DUT: variants seen among roughly 807,000 people sequenced by gnomAD.
DUT encodes deoxyuridine 5'-triphosphate nucleotidohydrolase, mitochondrial.
In DUT, 21 loss-of-function variants were observed where a neutral mutation model predicts 28.8. That is an observed-to-expected ratio of 0.73 (90% CI 0.52 to 1.05). The LOEUF is 1.05. Among genes scored for constraint, DUT ranks in the 50% least tolerant of loss-of-function variants. The pLI, the probability that DUT is intolerant of heterozygous loss-of-function variation, is 0.00. For missense variants in DUT, 344 were observed against 351.8 expected, an observed-to-expected ratio of 0.98 and a Z score of 0.18; for synonymous variants, 147 against 143.7, an observed-to-expected ratio of 1.02 and a Z score of -0.17.
chr15:48,332,052 G>A (rs995544163), intron 1 of DUT: 5 of 1,146,938 alleles, frequency 4.4e-6, no homozygotes, highest in Admixed American at 3.6e-5. Flanking sequence ...TCCCAAACCT[G>A]CTTTCCGAGA....
rs2042558427 is a variant in DUT, at chr15:48,343,050, TG to T, written c.*975del. The T allele has an allele frequency of 6.6e-6, 1 of 152,254 alleles. No homozygotes were observed. The highest frequency in any genetic ancestry group is 2.1e-4 in the South Asian group (1 of 4,830). 9.4% of individuals were successfully genotyped at this position (152,254 alleles called of 1,614,324 possible). On this transcript the variant is annotated 3_prime_UTR_variant, in exon 7 of 7. Coordinates refer to ENST00000331200, the MANE Select transcript of DUT (RefSeq NM_001025248.2). ...CTCAGATTCCTTTGTATCAGGGTTT[TG>T]GGTGTCACTTAGGTTTTGTCCATCA...
intron 2 of DUT, among the ~76,000 whole-genome samples, chr15:48,333,824 G>C (rs2042445728): frequency 6.6e-6 from 1 of 152,174 alleles, no homozygotes; most frequent in Admixed American, 6.5e-5. Flanking sequence ...ATACAACACA[G>C]TTCTTTATCT....
At chr15:48,341,915 T>C (rs913312367) in intron 6 of DUT, 107 bp from the exon 7 acceptor site, 3 of 829,646 alleles carry the variant, frequency 3.6e-6, no homozygotes, top group African/African-American at 3.6e-5. Context: ...GAAAAGATGA[T>C]ATAGCAAGAG....
rs1443696527 is a variant in DUT, at chr15:48,342,914, TCA to T, written c.*839_*840del. ...ACTTCAGCCACCAGGTTTTTCTGTC[TCA>T]CATACATAAGCAGCATTTCATTGCA... On this transcript the variant is annotated 3_prime_UTR_variant, in exon 7 of 7. Coordinates refer to ENST00000331200, the MANE Select transcript of DUT (RefSeq NM_001025248.2). The T allele has an allele frequency of 6.6e-6, 1 of 152,226 alleles. No homozygotes were observed. The highest frequency in any genetic ancestry group is 1.5e-5 in the Non-Finnish European group (1 of 68,038). 9.4% of individuals were successfully genotyped at this position (152,226 alleles called of 1,614,324 possible).
intron 4 of DUT, among the ~76,000 whole-genome samples, chr15:48,339,934 G>A (rs1216778903): frequency 1.3e-5 from 2 of 152,002 alleles, no homozygotes; most frequent in Admixed American, 1.3e-4. Flanking sequence ...TGGACCTAAG[G>A]GTTTGCTTTT....
intron 3 of DUT, among the ~76,000 whole-genome samples, chr15:48,334,851 G>T (rs1411449536): frequency 6.6e-6 from 1 of 152,190 alleles, no homozygotes; most frequent in African/African-American, 2.4e-5. Flanking sequence ...TTGGCCATGG[G>T]GTTAGGGTAA....
chr15:48,341,503 C>A lies in DUT; in HGVS notation c.632-12C>A. The A allele has an allele frequency of 6.2e-7, 1 of 1,612,328 alleles. No individual in the cohort carries two copies. Among genetic ancestry groups the A allele is most frequent in the African/African-American group, 1.3e-5 (1 of 74,988 alleles). ...TCAGTAACGTCAGTAATAAACTATTCTTTCTTTGAAGTCAAAAAAGGTGAT... is the reference window on the plus strand; with the variant it reads ...TCAGTAACGTCAGTAATAAACTATTATTTCTTTGAAGTCAAAAAAGGTGAT... On this transcript the variant is annotated splice_polypyrimidine_tract_variant and intron_variant, in intron 5 of 6. Coordinates refer to ENST00000331200, the MANE Select transcript of DUT (RefSeq NM_001025248.2).
Position 48,334,445 on chromosome 15 carries a change from G to A in DUT, c.448G>A (p.Glu150Lys). Reference sequence around the variant, plus strand: ...CTATGATTACACAATACCACCTATGGAGAAAGCTGTTGTGAAAACGGACAT... The same window carrying A: ...CTATGATTACACAATACCACCTATGAAGAAAGCTGTTGTGAAAACGGACAT... ...SAYDYTIPPMEKAVVKTDIQI... is the reference protein window; with the variant it reads ...SAYDYTIPPMKKAVVKTDIQI... Residue 150 changes from glutamate (E) to lysine (K), a missense_variant, in exon 3 of 7, where the codon GAG becomes AAG. Coordinates refer to ENST00000331200, the MANE Select transcript of DUT (RefSeq NM_001025248.2). The A allele has an allele frequency of 6.2e-7, 1 of 1,609,980 alleles. No homozygotes were observed. The highest frequency in any genetic ancestry group is 8.5e-7 in the Non-Finnish European group (1 of 1,177,432).
At position 48,336,102 on chromosome 15, in the gene DUT, C is replaced by A; in HGVS notation, c.556+12C>A. On this transcript the variant is annotated intron_variant, in intron 4 of 6. Transcript: ENST00000331200. ...TATTGATGTAGGAGGTAATATATTT[C>A]CTTTTTTATTCTGTAAATGTTTGCA... The A allele has an allele frequency of 1.3e-6, 2 of 1,586,022 alleles. No individual in the cohort carries two copies. Among genetic ancestry groups the A allele is most frequent in the African/African-American group, 1.4e-5 (1 of 73,150 alleles).
intron 4 of DUT, among the ~76,000 whole-genome samples, chr15:48,338,826 G>C (rs1043898810): frequency 1.3e-5 from 2 of 152,198 alleles, no homozygotes; most frequent in Non-Finnish European, 2.9e-5. Flanking sequence ...TATTATGCAA[G>C]AGAATAGTTA....
chr15:48,331,287 C>A, upstream of DUT: 1 of 1,449,058 alleles, frequency 6.9e-7, no homozygotes, highest in Non-Finnish European at 9.0e-7. Context: ...GAGGGCTAGG[C>A]AGCCAGAGGC....
intron 4 of DUT, among the ~76,000 whole-genome samples, chr15:48,339,689 G>T (rs1407605909): frequency 6.6e-6 from 1 of 152,138 alleles, no homozygotes; most frequent in African/African-American, 2.4e-5. Context: ...TTCAATAATG[G>T]ATTGTTTCCT....
intron 4 of DUT, among the ~76,000 whole-genome samples, chr15:48,336,784 T>A (rs554790567): frequency 1.3e-5 from 2 of 152,196 alleles, no homozygotes; most frequent in African/African-American, 2.4e-5. Context: ...CCCACATAAG[T>A]AGGTGTGCTA....
At chr15:48,339,001 G>T (rs1221400503) in intron 4 of DUT, among the ~76,000 whole-genome samples, 2 of 152,116 alleles carry the variant, frequency 1.3e-5, no homozygotes, top group Non-Finnish European at 2.9e-5. Flanking sequence ...GCCAGGTGTG[G>T]TGGTGCCTTT....
chr15:48,332,782 C>T lies in DUT; in HGVS notation c.419+376C>T, dbSNP rs193147871. ...CGTGAAAATACCTAAGAAGGATGAA[C>T]GAAGATGCATCTGCCTTAAAAAGTT... On this transcript the variant is annotated intron_variant, in intron 2 of 6. Coordinates refer to ENST00000331200, the MANE Select transcript of DUT (RefSeq NM_001025248.2). 17 of 492,122 alleles carry T rather than the reference C, an allele frequency of 3.5e-5. No individual in the cohort carries two copies. The East Asian group carries it at 1.0e-3, about 29-fold the overall frequency. The allele number at this position is 492,122 out of a possible 1,614,324, so 30.5% of individuals were successfully genotyped here.
rs1436754153 is a variant in DUT, at chr15:48,331,704, G to A, written c.189G>A (p.Leu63=). Residue 63 remains leucine, a synonymous_variant, in exon 1 of 7, where the codon CTG becomes CTA. Coordinates refer to ENST00000331200, the MANE Select transcript of DUT (RefSeq NM_001025248.2). ...GGCCGCTGTCCAGCGCTGGCCGCCT[G>A]AGCCAAGGCTGCCGCGGAGCCAGTA... The part of the protein sequence containing the change: ...IPRPLSSAGR[L]SQGCRGASTV... The A allele has an allele frequency of 6.6e-7, 1 of 1,513,662 alleles. No individual in the cohort carries two copies. Among genetic ancestry groups the A allele is most frequent in the East Asian group, 2.6e-5 (1 of 38,198 alleles). The allele number at this position is 1,513,662 out of a possible 1,614,324, so 93.8% of individuals were successfully genotyped here. A position where few individuals can be genotyped will look rare whatever the true frequency, so the allele number is the denominator to read the frequency against.
chr15:48,331,734 C>A lies in DUT; in HGVS notation c.219C>A (p.Val73=). 3 of 1,451,474 alleles carry A rather than the reference C, an allele frequency of 2.1e-6. No homozygotes were observed. The highest frequency in any genetic ancestry group is 9.1e-7 in the Non-Finnish European group (1 of 1,103,232). The allele number at this position is 1,451,474 out of a possible 1,614,324, so 89.9% of individuals were successfully genotyped here. A position where few individuals can be genotyped will look rare whatever the true frequency, so the allele number is the denominator to read the frequency against. The stretch of plus-strand genomic sequence containing the variant: ...AAGGCTGCCGCGGAGCCAGTACAGT[C>A]GGGGCCGCTGGCTGGAAGGGCGAGC... ...LSQGCRGAST[V]GAAGWKGELP... The change falls in exon 1 of 7, where the codon GTC becomes GTA. Residue 73 remains valine (V), a synonymous_variant. Transcript: ENST00000331200.
chr15:48,341,135 G>T, intron 4 of DUT, 154 bp from the exon 5 acceptor site: 1 of 502,224 alleles, frequency 2.0e-6, no homozygotes, highest in Admixed American at 3.8e-5. Flanking sequence ...TCATTTCTTG[G>T]TTTTGAGGCT....
At chr15:48,336,989 A>T (rs1412919849) in intron 4 of DUT, among the ~76,000 whole-genome samples, 1 of 152,182 alleles carries the variant, frequency 6.6e-6, no homozygotes, top group East Asian at 1.9e-4. Flanking sequence ...CCAACTAAAC[A>T]CGTCCAGAAT....
Sources: gnomAD v4.1 joint callset for allele counts (sites outside exome capture counted in the v4.1 genomes callset) on GRCh38, gnomAD v4.1.1 for gene constraint, MANE v1.5 for transcripts, NCBI Gene and HGNC (gene_info 2026-07-23, HGNC 2026-07-21) for gene names.